The following DYNC1LI1 variants were observed in gnomAD, a reference collection of about 807,000 sequenced individuals.
DYNC1LI1 encodes cytoplasmic dynein 1 light intermediate chain 1.
DYNC1LI1 carries 19 observed loss-of-function variants against 63.8 expected under a neutral mutation model. That is an observed-to-expected ratio of 0.30 (90% CI 0.21 to 0.44). The LOEUF (loss-of-function observed/expected upper bound fraction) is 0.44. DYNC1LI1 is among the 20% of genes least tolerant of loss of function. The probability of loss-of-function intolerance (pLI) is 1.00; values close to 1 mark genes in which losing one functional copy is unlikely to be tolerated. For missense variants in DYNC1LI1, 565 were observed against 630.2 expected, an observed-to-expected ratio of 0.90 and a Z score of 1.11; for synonymous variants, 225 against 232.3, an observed-to-expected ratio of 0.97 and a Z score of 0.28.
intron 7 of DYNC1LI1, 109 bp from the exon 8 acceptor site, chr3:32,533,206 A>G: frequency 7.2e-7 from 1 of 1,386,986 alleles, no homozygotes; most frequent in East Asian, 3.0e-5. Flanking sequence ...TTGAACAATT[A>G]TGGAAAACGA....
At chr3:32,551,614 T>C (rs1698043776) in intron 2 of DYNC1LI1, among the ~76,000 whole-genome samples, 1 of 152,136 alleles carries the variant, frequency 6.6e-6, no homozygotes, top group Non-Finnish European at 1.5e-5. Context: ...CAATAGGCTA[T>C]TAATGGAGTC....
Position 32,545,850 on chromosome 3 carries a change from A to T in DYNC1LI1, c.336T>A (p.Asp112Glu). The T allele has an allele frequency of 6.3e-7, 1 of 1,587,284 alleles. No individual in the cohort carries two copies. ...LYLNVHDEDR[D>E]DQTRCNVWIL... ...ATTTATGTTACAAATGACACTCACC[A>T]TCCCTGTCTTCATCATGCACATTTA... The change falls in exon 3 of 13, where the codon GAT (aspartate) becomes GAA (glutamate). Residue 112 changes from aspartate to glutamate, a missense_variant and splice_region_variant. Physicochemically the swap from Asp to Glu is conservative, Grantham distance 45 (BLOSUM62 2). Coordinates refer to ENST00000273130, the MANE Select transcript of DYNC1LI1 (RefSeq NM_016141.4).
chr3:32,559,104 T>C (rs1243990871), intron 2 of DYNC1LI1, among the ~76,000 whole-genome samples: 1 of 151,726 alleles, frequency 6.6e-6, no homozygotes, highest in South Asian at 2.1e-4. Context: ...CCCAGGCTAG[T>C]CTTGAACTTC....
intron 4 of DYNC1LI1, among the ~76,000 whole-genome samples, chr3:32,543,824 G>C (rs2125437228): frequency 6.6e-6 from 1 of 151,558 alleles, no homozygotes; most frequent in South Asian, 2.1e-4. Flanking sequence ...CAGCACTTTG[G>C]GAGTCTGAGC....
intron 2 of DYNC1LI1, among the ~76,000 whole-genome samples, chr3:32,567,986 A>G (rs1257655626): frequency 6.6e-6 from 1 of 151,884 alleles, no homozygotes; most frequent in Non-Finnish European, 1.5e-5. Context: ...TACAGGCAGG[A>G]GCTGCCGTGC....
chr3:32,556,515 T>C (rs568961023), intron 2 of DYNC1LI1, among the ~76,000 whole-genome samples: 1 of 152,302 alleles, frequency 6.6e-6, no homozygotes, highest in Non-Finnish European at 1.5e-5. Flanking sequence ...AACCTTCATA[T>C]TCTTTTTGTT....
intron 5 of DYNC1LI1, among the ~76,000 whole-genome samples, chr3:32,539,079 G>A (rs1448827626): frequency 6.6e-6 from 1 of 151,988 alleles, no homozygotes; most frequent in African/African-American, 2.4e-5. Flanking sequence ...CGGAACCAAT[G>A]GAACCAACTT....
chr3:32,544,802 A>G, intron 4 of DYNC1LI1, 74 bp downstream of exon 4: 1 of 1,123,028 alleles, frequency 8.9e-7, no homozygotes, highest in Non-Finnish European at 1.3e-6. Context: ...TTTATAGTCA[A>G]AAATTCCTAA....
At chr3:32,539,404 C>A (rs1164880937) in intron 5 of DYNC1LI1, among the ~76,000 whole-genome samples, 3 of 152,008 alleles carry the variant, frequency 2.0e-5, no homozygotes, top group African/African-American at 7.2e-5. Flanking sequence ...GCAAATTTTA[C>A]ATAATAAAAG....
chr3:32,538,107 CA>C (rs72138394), intron 5 of DYNC1LI1, among the ~76,000 whole-genome samples: 8,248 of 43,646 alleles, frequency 0.19, 1,292 homozygotes, highest in Middle Eastern at 0.36. Context: ...TATAAAATAG[CA>C]AAAAAAAAAA....
At chr3:32,536,969 T>C (rs2303858) in intron 6 of DYNC1LI1, 42 bp downstream of exon 6, 23,485 of 1,153,648 alleles carry the variant, frequency 0.02, 1,231 homozygotes, top group East Asian at 0.18. Flanking sequence ...CTAAAACAGG[T>C]AAAGTGATAC....
chr3:32,538,014 T>TATAATTTATATATATA (rs1697816552), intron 5 of DYNC1LI1, among the ~76,000 whole-genome samples: 1 of 36,940 alleles, frequency 2.7e-5, no homozygotes, highest in Non-Finnish European at 4.1e-5. Flanking sequence ...ATATAATATA[T>TATAATTTATATATATA]ATATATAATT....
chr3:32,534,186 T>G (rs1192899454), intron 7 of DYNC1LI1, among the ~76,000 whole-genome samples: 1 of 152,146 alleles, frequency 6.6e-6, no homozygotes, highest in Non-Finnish European at 1.5e-5. Flanking sequence ...AGGTAATTTT[T>G]AAAAGCATGT....
intron 2 of DYNC1LI1, 129 bp downstream of exon 2, chr3:32,570,217 G>A: frequency 1.2e-6 from 1 of 808,326 alleles, no homozygotes; most frequent in Non-Finnish European, 2.1e-6. Context: ...TCCGCGACAG[G>A]TCGGGAGGCG....
chr3:32,548,793 A>G (rs1697993770), intron 2 of DYNC1LI1, among the ~76,000 whole-genome samples: 1 of 152,224 alleles, frequency 6.6e-6, no homozygotes, highest in Non-Finnish European at 1.5e-5. Context: ...TATGTTAATT[A>G]GCTTGATTTA....
chr3:32,568,764 C>T (rs1295508942), intron 2 of DYNC1LI1, among the ~76,000 whole-genome samples: 2 of 152,152 alleles, frequency 1.3e-5, no homozygotes, highest in African/African-American at 4.8e-5. Context: ...AACAAAACTA[C>T]TGAATCTTAC....
At chr3:32,529,387 A>G (rs919905783) in intron 11 of DYNC1LI1, among the ~76,000 whole-genome samples, 153 bp downstream of exon 11, 1 of 152,232 alleles carries the variant, frequency 6.6e-6, no homozygotes, top group Non-Finnish European at 1.5e-5. Context: ...ATGGTTTACA[A>G]TCTGGTTAAC....
At chr3:32,537,266 T>C (rs1697787174) in intron 5 of DYNC1LI1, 162 bp from the exon 6 acceptor site, 4 of 399,816 alleles carry the variant, frequency 1.0e-5, no homozygotes, top group Non-Finnish European at 1.8e-5. Flanking sequence ...TATGAACTTT[T>C]AGTTGGAGGG....
intron 2 of DYNC1LI1, among the ~76,000 whole-genome samples, chr3:32,562,651 T>TTTTTAAATTTTAAA (rs1169026568): frequency 2.0e-5 from 3 of 152,230 alleles, no homozygotes; most frequent in Non-Finnish European, 4.4e-5. Context: ...TTCTTACCTT[T>TTTTTAAATTTTAAA]TTTTAAATTT....
Sources: gnomAD v4.1 joint callset for allele counts (sites outside exome capture counted in the v4.1 genomes callset) on GRCh38, gnomAD v4.1.1 for gene constraint, MANE v1.5 for transcripts, NCBI Gene and HGNC (gene_info 2026-07-23, HGNC 2026-07-21) for gene names.